The following ADGRV1 variants were observed in gnomAD, a reference collection of about 807,000 sequenced individuals.
ADGRV1 encodes the protein adhesion G protein-coupled receptor V1, also known as G-protein coupled receptor 98.
Under a neutral mutation model 596.2 loss-of-function variants are expected in ADGRV1, and 359 were observed. The observed-to-expected ratio is 0.60, with a 90% CI of 0.55 to 0.66. The LOEUF is 0.66. Among genes scored for constraint, ADGRV1 ranks in the 30% least tolerant of loss-of-function variants. The probability of loss-of-function intolerance (pLI) is 0.00; values close to 1 mark genes in which losing one functional copy is unlikely to be tolerated. For synonymous variants in ADGRV1, 2,681 were observed against 2,679.2 expected, an observed-to-expected ratio of 1.00 and a Z score of -0.02; for missense variants, 7,274 against 7,575.6, an observed-to-expected ratio of 0.96 and a Z score of 1.48.
intron 85 of ADGRV1, among the ~76,000 whole-genome samples, chr5:91,068,826 A>G (rs1788121754): frequency 6.6e-6 from 1 of 152,128 alleles, no homozygotes; most frequent in Non-Finnish European, 1.5e-5. Flanking sequence ...AATAGCCTGA[A>G]TAGCCAAAGA....
chr5:90,745,012 C>T, intron 50 of ADGRV1, 34 bp from the exon 51 acceptor site: 1 of 1,494,776 alleles, frequency 6.7e-7, no homozygotes, highest in East Asian at 2.3e-5. Context: ...CAGTTTATAT[C>T]TCACTCAAGT....
intron 58 of ADGRV1, chr5:90,759,825 C>T (rs779145290): frequency 6.6e-5 from 29 of 438,316 alleles, no homozygotes; most frequent in Non-Finnish European, 1.0e-4. Flanking sequence ...ATTAGCTGGG[C>T]GTGGTGGCAC....
At chr5:90,642,610 G>A (rs775055442) in intron 11 of ADGRV1, 26 bp from the exon 12 acceptor site, 1 of 1,604,692 alleles carries the variant, frequency 6.2e-7, no homozygotes, top group South Asian at 1.1e-5. Flanking sequence ...AGTAGCGGGT[G>A]CCATTTGTCT....
chr5:90,997,778 ATTAC>A (rs764465412), intron 85 of ADGRV1, among the ~76,000 whole-genome samples: 6 of 152,164 alleles, frequency 3.9e-5, no homozygotes, highest in Non-Finnish European at 8.8e-5. Context: ...CACTGAGCAA[ATTAC>A]TTACCCTCTG....
chr5:90,627,173 C>A, intron 6 of ADGRV1, 38 bp from the exon 7 acceptor site: 2 of 1,143,440 alleles, frequency 1.7e-6, no homozygotes, highest in Non-Finnish European at 2.4e-6. Context: ...GGTGTTTTGG[C>A]TGTTGATGTT....
At chr5:90,876,901 A>G (rs1250562424) in intron 83 of ADGRV1, among the ~76,000 whole-genome samples, 1 of 152,230 alleles carries the variant, frequency 6.6e-6, no homozygotes, top group East Asian at 1.9e-4. Context: ...TGTTATGTAA[A>G]ATATAGTAAT....
At chr5:90,910,076 G>T (rs1772718043) in intron 83 of ADGRV1, among the ~76,000 whole-genome samples, 1 of 152,158 alleles carries the variant, frequency 6.6e-6, no homozygotes, top group African/African-American at 2.4e-5. Context: ...CTTGTTTGAG[G>T]TATTGCTGTT....
At chr5:91,105,706 T>C (rs2126666008) in intron 87 of ADGRV1, among the ~76,000 whole-genome samples, 1 of 152,326 alleles carries the variant, frequency 6.6e-6, no homozygotes, top group East Asian at 1.9e-4. Flanking sequence ...ATGTTCTGCA[T>C]ATTAATTATC....
intron 75 of ADGRV1, among the ~76,000 whole-genome samples, chr5:90,817,085 C>T (rs1399552805): frequency 2.0e-5 from 3 of 152,210 alleles, no homozygotes; most frequent in Non-Finnish European, 4.4e-5. Flanking sequence ...TGTTTCCTGA[C>T]TTATTAATGA....
chr5:90,981,108 A>G (rs1025623104), intron 84 of ADGRV1, among the ~76,000 whole-genome samples: 1 of 152,268 alleles, frequency 6.6e-6, no homozygotes, highest in African/African-American at 2.4e-5. Context: ...GTCAGAGCAC[A>G]GTTTGGTTTT....
At chr5:91,058,045 C>G (rs990762687) in intron 85 of ADGRV1, among the ~76,000 whole-genome samples, 3 of 152,160 alleles carry the variant, frequency 2.0e-5, no homozygotes, top group African/African-American at 7.2e-5. Flanking sequence ...ATTTGCTTAA[C>G]AAGGGATTTT....
At chr5:91,056,147 G>A (rs989345344) in intron 85 of ADGRV1, among the ~76,000 whole-genome samples, 1 of 152,196 alleles carries the variant, frequency 6.6e-6, no homozygotes, top group Admixed American at 6.5e-5. Context: ...GTTGTGCGAC[G>A]TGTGGTTGGG....
At chr5:91,103,374 G>A (rs1442188430) in intron 87 of ADGRV1, among the ~76,000 whole-genome samples, 3 of 151,100 alleles carry the variant, frequency 2.0e-5, no homozygotes, top group African/African-American at 7.3e-5. Context: ...GGCCTCTCTG[G>A]GATCTGATGA....
chr5:90,685,888 G>A lies in ADGRV1; in HGVS notation c.6383G>A (p.Arg2128Gln), dbSNP rs149390094. The change falls in exon 29 of 90, where the codon CGA (arginine) becomes CAA (glutamine). Residue 2128 changes from arginine to glutamine, a missense_variant. Physicochemically the swap from Arg to Gln is conservative, Grantham distance 43. Around this residue, in one of 5 missense-constraint regions of ADGRV1, gnomAD observed 3,643 missense variants for 3,809.2 expected, o/e 0.96. Coordinates refer to ENST00000405460, the MANE Select transcript of ADGRV1 (RefSeq NM_032119.4). ...GTLQLSAPIV[R>Q]VAENHVGPII... is the part of the protein sequence containing the mutation. ...CTTCAGCTCTCAGCACCAATTGTCC[G>A]AGTGGCAGAAAATCATGTTGGACCC... 6.1e-4 allele frequency: 981 copies of A among 1,612,308 alleles called. 5 individuals carry two copies. The African/African-American group carries it at 0.011, about 17-fold the overall frequency.
rs557812970 is a variant in ADGRV1, at chr5:90,855,782, C to T, written c.17636C>T (p.Thr5879Ile). ...CAGTTTTGCAAAGTGGTTGAGGAAA[C>T]TGCAGACTATGTGGAATGTGCCTGT... is the stretch of plus-strand genomic sequence containing the variant. ...DSQFCKVVEE[T>I]ADYVECACSH... Residue 5879 changes from threonine (T) to isoleucine (I), a missense_variant, in exon 82 of 90, where the codon ACT becomes ATT. Around this residue, in one of 5 missense-constraint regions of ADGRV1, gnomAD observed 1,874 missense variants for 1,970.2 expected, o/e 0.95. Transcript: ENST00000405460. 5.8e-5 allele frequency: 93 copies of T among 1,599,706 alleles called. 1 individual carries two copies. In the South Asian group the frequency reaches 1.1e-3, roughly 18 times the overall value.
intron 85 of ADGRV1, among the ~76,000 whole-genome samples, chr5:90,986,594 A>C (rs1221110973): frequency 1.3e-5 from 2 of 152,128 alleles, no homozygotes; most frequent in African/African-American, 4.8e-5. Flanking sequence ...CACAATACAC[A>C]CACTAATATA....
chr5:90,969,776 A>T (rs1033179207), intron 84 of ADGRV1, among the ~76,000 whole-genome samples: 2 of 152,246 alleles, frequency 1.3e-5, no homozygotes, highest in African/African-American at 4.8e-5. Flanking sequence ...GAATAGCTCC[A>T]GTCTACAGCT....
intron 84 of ADGRV1, among the ~76,000 whole-genome samples, chr5:90,974,721 A>T (rs1402733608): frequency 6.6e-6 from 1 of 152,230 alleles, no homozygotes; most frequent in Non-Finnish European, 1.5e-5. Flanking sequence ...AAAGACTTAA[A>T]TATTAGACCT....
intron 59 of ADGRV1, among the ~76,000 whole-genome samples, chr5:90,764,095 G>A (rs749820824): frequency 3.3e-5 from 5 of 152,156 alleles, no homozygotes; most frequent in Admixed American, 6.5e-5. Flanking sequence ...ATAAGGGGGT[G>A]TACCAACTTC....
Sources: gnomAD v4.1 joint callset for allele counts (sites outside exome capture counted in the v4.1 genomes callset) on GRCh38, gnomAD v4.1.1 for gene constraint, gnomAD v4.1.1 regional missense constraint, MANE v1.5 for transcripts, NCBI Gene and HGNC (gene_info 2026-07-23, HGNC 2026-07-21) for gene names.